The following RBFOX1 variants were observed in gnomAD, a reference collection of about 807,000 sequenced individuals.
RBFOX1 encodes the protein RNA binding protein fox-1 homolog 1.
In RBFOX1, 8 loss-of-function variants were observed where a neutral mutation model predicts 57.7. The ratio of observed to expected loss-of-function variants is 0.14; its 90% CI spans 0.08 to 0.25. RBFOX1 has a LOEUF of 0.25. Ranked by LOEUF, RBFOX1 falls within the 10% of genes least tolerant of loss-of-function variation. The pLI is 1.00. For synonymous variants in RBFOX1, 326 were observed against 222.4 expected, an observed-to-expected ratio of 1.47 and a Z score of -4.15; for missense variants, 611 against 548.5, an observed-to-expected ratio of 1.11 and a Z score of -1.14.
intron 1 of RBFOX1, among the ~76,000 whole-genome samples, chr16:6,133,787 C>G (rs1597630751): frequency 1.3e-5 from 2 of 152,230 alleles, no homozygotes; most frequent in African/African-American, 4.8e-5. Context: ...GCCACAGGGT[C>G]TTTGCCTGTG....
At chr16:5,883,163 C>T (rs1016901384) in intron 4 of RBFOX1, among the ~76,000 whole-genome samples, 1 of 152,110 alleles carries the variant, frequency 6.6e-6, no homozygotes, top group South Asian at 2.1e-4. Context: ...AGGGGTTATA[C>T]ATCTCAGCTT....
chr16:7,679,804 C>T (rs545965953), intron 14 of RBFOX1, among the ~76,000 whole-genome samples: 2 of 152,076 alleles, frequency 1.3e-5, no homozygotes, highest in East Asian at 3.9e-4. Flanking sequence ...TGTTGACCTC[C>T]AGAAAGAAGA....
At chr16:5,661,388 C>T (rs746424625) in intron 3 of RBFOX1, among the ~76,000 whole-genome samples, 11 of 152,158 alleles carry the variant, frequency 7.2e-5, no homozygotes, top group Non-Finnish European at 1.5e-4. Context: ...ATATAAGCCA[C>T]AGTAAGTTGT....
intron 3 of RBFOX1, among the ~76,000 whole-genome samples, chr16:6,808,178 G>GTGTGTGTGTGTGTGTGTGTGTATA (rs1318609964): frequency 6.9e-5 from 10 of 145,574 alleles, no homozygotes; most frequent in African/African-American, 2.6e-4. Flanking sequence ...GTGTGTGTGT[G>GTGTGTGTGTGTGTGTGTGTGTATA]TATATATATA....
chr16:6,838,716 C>T lies in RBFOX1; in HGVS notation c.-16+184066C>T, dbSNP rs114116675. On this transcript the variant is annotated intron_variant, in intron 3 of 15. Transcript: ENST00000550418. ...CTAATCCCCAGTCTGGGGGCTTGCC[C>T]GTCCTGCATCGGTAATACATTTGCT... Among the ~76,000 whole-genome samples, 1,019 of 152,186 alleles carry T rather than the reference C, an allele frequency of 6.7e-3. 15 individuals carry two copies. Among genetic ancestry groups the T allele is most frequent in the African/African-American group, 0.024 (982 of 41,502 alleles).
intron 4 of RBFOX1, among the ~76,000 whole-genome samples, chr16:7,265,189 A>G (rs925793678): frequency 6.6e-6 from 1 of 152,136 alleles, no homozygotes; most frequent in Non-Finnish European, 1.5e-5. Flanking sequence ...GCAAAGTGCC[A>G]TAGACAGGGT....
At chr16:6,969,120 C>A (rs1044935591) in intron 3 of RBFOX1, among the ~76,000 whole-genome samples, 1 of 152,080 alleles carries the variant, frequency 6.6e-6, no homozygotes, top group African/African-American at 2.4e-5. Flanking sequence ...AAGAGTACTG[C>A]GTGTGAACTT....
rs188297436 is a variant in RBFOX1 at position 5,521,293 on chromosome 16, T to G, written c.258+54039T>G. The stretch of plus-strand genomic sequence containing the variant: ...GCTTTCTCAAGGGAGGCCCCTCAAG[T>G]TTGCACAACTGCTGCCCCAGGTCCG... On this transcript the variant is annotated intron_variant, in intron 2 of 2. Coordinates refer to the RBFOX1 transcript ENST00000585867. Among the ~76,000 whole-genome samples, 4 of 149,858 alleles carry G rather than the reference T, an allele frequency of 2.7e-5. No individual in the cohort carries two copies. The East Asian group carries it at 6.0e-4, about 23-fold the overall frequency.
At chr16:6,559,414 G>C (rs901347324) in intron 2 of RBFOX1, among the ~76,000 whole-genome samples, 1 of 152,004 alleles carries the variant, frequency 6.6e-6, no homozygotes, top group Non-Finnish European at 1.5e-5. Context: ...ACAGCTGCTA[G>C]TACCACTGCT....
chr16:7,433,665 G>A (rs865899306), intron 4 of RBFOX1, among the ~76,000 whole-genome samples: 1 of 152,180 alleles, frequency 6.6e-6, no homozygotes, highest in Non-Finnish European at 1.5e-5. Flanking sequence ...TACAGTATCA[G>A]AGATAGAAAA....
chr16:6,222,991 A>G (rs928832747), intron 1 of RBFOX1, among the ~76,000 whole-genome samples: 2 of 150,234 alleles, frequency 1.3e-5, no homozygotes, highest in African/African-American at 2.4e-5. Flanking sequence ...GAGAATGATG[A>G]TTTCCAATTT....
At chr16:7,073,794 T>A (rs1039132406) in intron 4 of RBFOX1, among the ~76,000 whole-genome samples, 7 of 152,082 alleles carry the variant, frequency 4.6e-5, no homozygotes, top group African/African-American at 1.7e-4. Flanking sequence ...GCCCAAGAGG[T>A]CAGAGTGAGC....
intron 3 of RBFOX1, among the ~76,000 whole-genome samples, chr16:6,832,144 A>G (rs1043754967): frequency 2.0e-5 from 3 of 152,210 alleles, no homozygotes; most frequent in African/African-American, 7.2e-5. Context: ...AAAGCCTGCG[A>G]TTCAACTTTG....
intron 1 of RBFOX1, among the ~76,000 whole-genome samples, chr16:6,296,685 G>T (rs1476665135): frequency 1.3e-5 from 2 of 152,176 alleles, no homozygotes. Flanking sequence ...CTCCCAAAGT[G>T]CTGGGATTAC....
intron 3 of RBFOX1, among the ~76,000 whole-genome samples, chr16:6,687,133 G>A (rs572351714): frequency 1.3e-5 from 2 of 152,060 alleles, no homozygotes; most frequent in African/African-American, 4.8e-5. Context: ...TATTACTTGG[G>A]GCATCCATAG....
rs1478231202 is a variant in RBFOX1 at position 6,407,195 on chromosome 16, A to C, written c.-64+90138A>C. Among the ~76,000 whole-genome samples the C allele has an allele frequency of 3.3e-5, 5 of 152,278 alleles. No homozygotes were observed. In the South Asian group the frequency reaches 8.3e-4, roughly 25 times the overall value. ...TATCTATATGTCTATATGTCTATAC[A>C]TCTATAACTATATTTATATACCTAC... is the stretch of plus-strand genomic sequence containing the variant. On this transcript the variant is annotated intron_variant, in intron 2 of 15. Coordinates refer to ENST00000550418, the MANE Select transcript of RBFOX1 (RefSeq NM_018723.4).
In RBFOX1 at chr16:6,314,468, G is replaced by C. The variant is rs537495864; in HGVS notation, c.-126-2527G>C. Among the ~76,000 whole-genome samples, 52 of 152,290 alleles carry C rather than the reference G, an allele frequency of 3.4e-4. No homozygotes were observed. In the East Asian group the frequency reaches 6.0e-3, roughly 18 times the overall value. On this transcript the variant is annotated intron_variant, in intron 1 of 15. Coordinates refer to ENST00000550418, the MANE Select transcript of RBFOX1 (RefSeq NM_018723.4). Reference sequence around the variant, plus strand: ...AATGAAAGTTACAGAGAGCACGCTTGGGTAGATGTTCAAGTCTCAAGACTC... The same window carrying C: ...AATGAAAGTTACAGAGAGCACGCTTCGGTAGATGTTCAAGTCTCAAGACTC...
intron 2 of RBFOX1, among the ~76,000 whole-genome samples, chr16:6,447,168 G>A (rs1260768294): frequency 6.6e-6 from 1 of 152,054 alleles, no homozygotes; most frequent in Admixed American, 6.5e-5. Flanking sequence ...TTCAAGCGTT[G>A]CATTATGTAC....
At chr16:6,743,928 A>G (rs182092476) in intron 3 of RBFOX1, among the ~76,000 whole-genome samples, 40 of 151,338 alleles carry the variant, frequency 2.6e-4, no homozygotes, top group African/African-American at 9.0e-4. Context: ...ACAGTAAATG[A>G]TTTTCCAGTT....
Sources: allele counts gnomAD v4.1 joint callset (sites outside exome capture counted in the v4.1 genomes callset), GRCh38; gene constraint gnomAD v4.1.1; transcripts MANE v1.5; gene names NCBI Gene and HGNC (gene_info 2026-07-23, HGNC 2026-07-21).